The following GNAL variants were observed in gnomAD, a reference collection of about 807,000 sequenced individuals.
GNAL encodes G protein subunit alpha L.
GNAL carries 18 observed loss-of-function variants against 55.1 expected under a neutral mutation model. That is an observed-to-expected ratio of 0.33 (90% CI 0.23 to 0.48). The LOEUF (loss-of-function observed/expected upper bound fraction) is 0.48, where lower values mean the gene tolerates loss of function less well. Among genes scored for constraint, GNAL ranks in the 20% least tolerant of loss-of-function variants. The pLI, the probability that GNAL is intolerant of heterozygous loss-of-function variation, is 0.99. For synonymous variants in GNAL, 253 were observed against 237.0 expected, an observed-to-expected ratio of 1.07 and a Z score of -0.62; for missense variants, 412 against 614.1, an observed-to-expected ratio of 0.67 and a Z score of 3.48.
chr18:11,689,831 A>AGGAGCGCGAGGCGGCCG lies in GNAL; in HGVS notation c.268_269insGGAGCGCGAGGCGGCCG (p.Lys90ArgfsTer18). On this transcript the variant is annotated frameshift_variant, in exon 1 of 12. Coordinates refer to ENST00000334049, the MANE Select transcript of GNAL (RefSeq NM_182978.4). LOFTEE classifies it high-confidence loss of function. The stretch of plus-strand genomic sequence containing the variant: ...GAGTGCCGAGGAGCGCGAGGCGGCC[A>AGGAGCGCGAGGCGGCCG]AGGAGCGCGAGGCGGTCAAGGAGGC... The AGGAGCGCGAGGCGGCCG allele has an allele frequency of 6.5e-7, 1 of 1,537,672 alleles. No individual in the cohort carries two copies. Among genetic ancestry groups the AGGAGCGCGAGGCGGCCG allele is most frequent in the Non-Finnish European group, 8.7e-7 (1 of 1,145,048 alleles).
intron 5 of GNAL, among the ~76,000 whole-genome samples, chr18:11,856,060 C>A (rs989831123): frequency 2.7e-5 from 4 of 150,904 alleles, no homozygotes; most frequent in Middle Eastern, 3.4e-3. Flanking sequence ...TGGCCAAGCA[C>A]ACTATAAAGC....
intron 1 of GNAL, among the ~76,000 whole-genome samples, chr18:11,711,031 G>A (rs919553390): frequency 1.3e-5 from 2 of 151,894 alleles, no homozygotes; most frequent in East Asian, 1.9e-4. Context: ...GCCTGCCACC[G>A]CGCCCGGCTA....
chr18:11,704,974 C>T (rs900962308), intron 1 of GNAL, among the ~76,000 whole-genome samples: 4 of 149,006 alleles, frequency 2.7e-5, no homozygotes, highest in South Asian at 2.1e-4. Flanking sequence ...ACACTTCACA[C>T]GAGATCTACC....
rs558079631 is a variant in GNAL, at chr18:11,754,623, G to A, written c.624+678G>A. On this transcript the variant is annotated intron_variant, in intron 4 of 11. Coordinates refer to ENST00000334049, the MANE Select transcript of GNAL (RefSeq NM_182978.4). ...TGAGTAGAGAAAAATACTTATGGTAGGTAATTGCTTCCATGGGAATTACAG... is the reference window on the plus strand; with the variant it reads ...TGAGTAGAGAAAAATACTTATGGTAAGTAATTGCTTCCATGGGAATTACAG... Among the ~76,000 whole-genome samples, 18 of 152,246 alleles carry A rather than the reference G, an allele frequency of 1.2e-4. No individual in the cohort carries two copies. In the South Asian group the frequency reaches 3.7e-3, roughly 32 times the overall value.
At chr18:11,697,468 G>A (rs962305117) in intron 1 of GNAL, among the ~76,000 whole-genome samples, 2 of 152,144 alleles carry the variant, frequency 1.3e-5, no homozygotes, top group African/African-American at 4.8e-5. Flanking sequence ...TAAGGTGGGA[G>A]TATCACTTGA....
In GNAL at chr18:11,760,739, CA is replaced by C. The variant is rs148281798; in HGVS notation, c.624+6795del. Among the ~76,000 whole-genome samples, 1,142 of 152,174 alleles carry C rather than the reference CA, an allele frequency of 7.5e-3. 7 individuals carry two copies. The highest frequency in any genetic ancestry group is 0.026 in the African/African-American group (1,081 of 41,508). The stretch of plus-strand genomic sequence containing the variant: ...AGGGTGGACAGGGTGCAGACACCCC[CA>C]GGCCTGGGATTCTGTGGACAGCATG... On this transcript the variant is annotated intron_variant, in intron 4 of 11. Coordinates refer to ENST00000334049, the MANE Select transcript of GNAL (RefSeq NM_182978.4).
intron 4 of GNAL, among the ~76,000 whole-genome samples, chr18:11,800,815 A>T (rs1380419291): frequency 2.0e-5 from 3 of 152,214 alleles, no homozygotes; most frequent in African/African-American, 7.2e-5. Flanking sequence ...TACATGAATT[A>T]TGTATGACTT....
intron 1 of GNAL, among the ~76,000 whole-genome samples, chr18:11,699,367 G>T (rs2031502334): frequency 6.6e-6 from 1 of 150,678 alleles, no homozygotes; most frequent in African/African-American, 2.5e-5. Context: ...GCTAATTTTT[G>T]GGGTTTTTTT....
At chr18:11,761,383 G>A (rs376735625) in intron 4 of GNAL, among the ~76,000 whole-genome samples, 30 of 152,234 alleles carry the variant, frequency 2.0e-4, no homozygotes, top group African/African-American at 6.5e-4. Flanking sequence ...TTCTCATGTG[G>A]GAGTCCCCCA....
intron 5 of GNAL, among the ~76,000 whole-genome samples, chr18:11,845,625 G>A (rs2035714957): frequency 6.6e-6 from 1 of 152,010 alleles, no homozygotes; most frequent in Non-Finnish European, 1.5e-5. Flanking sequence ...CCTACAAAAT[G>A]CTCTCCAACT....
intron 4 of GNAL, among the ~76,000 whole-genome samples, chr18:11,784,902 T>G (rs1288815316): frequency 3.3e-5 from 5 of 152,156 alleles, no homozygotes; most frequent in Admixed American, 6.5e-5. Context: ...TGATTCATGG[T>G]GTACAAAGAA....
chr18:11,756,110 C>T (rs956505605), intron 4 of GNAL, among the ~76,000 whole-genome samples: 4 of 152,146 alleles, frequency 2.6e-5, no homozygotes, highest in African/African-American at 9.7e-5. Flanking sequence ...TCTTCTTTCT[C>T]CTGTTCATAA....
At chr18:11,776,707 C>CAAAAA (rs33937288) in intron 4 of GNAL, among the ~76,000 whole-genome samples, 4 of 71,632 alleles carry the variant, frequency 5.6e-5, no homozygotes, top group South Asian at 4.5e-4. Flanking sequence ...GATCCTGCCT[C>CAAAAA]AAAAAAAAAA....
chr18:11,710,925 G>C (rs938399743), intron 1 of GNAL, among the ~76,000 whole-genome samples: 1 of 152,128 alleles, frequency 6.6e-6, no homozygotes, highest in Non-Finnish European at 1.5e-5. Flanking sequence ...ATCCAGGCTG[G>C]AGTGCAGTGG....
At chr18:11,807,518 G>T (rs1325214748) in intron 4 of GNAL, among the ~76,000 whole-genome samples, 1 of 152,244 alleles carries the variant, frequency 6.6e-6, no homozygotes, top group Non-Finnish European at 1.5e-5. Context: ...GCCTAAGCCG[G>T]GCCGTGGGGG....
At chr18:11,789,549 CTA>C (rs201085941) in intron 4 of GNAL, among the ~76,000 whole-genome samples, 1,859 of 152,278 alleles carry the variant, frequency 0.012, 38 homozygotes, top group African/African-American at 0.04. Flanking sequence ...GTGGGGAAGA[CTA>C]TATATAGATA....
intron 4 of GNAL, among the ~76,000 whole-genome samples, chr18:11,760,957 T>C (rs1029064629): frequency 3.9e-5 from 6 of 152,218 alleles, no homozygotes; most frequent in Admixed American, 1.3e-4. Flanking sequence ...GGATTAAACA[T>C]GTTAATATCT....
intron 1 of GNAL, among the ~76,000 whole-genome samples, chr18:11,713,910 T>A (rs1385512211): frequency 6.6e-6 from 1 of 152,238 alleles, no homozygotes; most frequent in East Asian, 1.9e-4. Context: ...GCCCTTTTCC[T>A]GTCACTGCCA....
intron 4 of GNAL, among the ~76,000 whole-genome samples, chr18:11,784,866 G>T (rs1243934270): frequency 6.6e-6 from 1 of 152,158 alleles, no homozygotes; most frequent in Non-Finnish European, 1.5e-5. Flanking sequence ...GTATGTATGG[G>T]AGTCAGAAAA....
Sources: allele counts gnomAD v4.1 joint callset (sites outside exome capture counted in the v4.1 genomes callset), GRCh38; gene constraint gnomAD v4.1.1; transcripts MANE v1.5; gene names NCBI Gene and HGNC (gene_info 2026-07-23, HGNC 2026-07-21).